HEPACAM2: variants seen among roughly 807,000 people sequenced by gnomAD.
HEPACAM2 encodes the protein mitotic kinetics regulator.
A neutral mutation model predicts 49.6 loss-of-function variants in HEPACAM2; 49 were observed. The observed-to-expected ratio is 0.99, with a 90% CI of 0.78 to 1.25. HEPACAM2 has a LOEUF of 1.25. Among genes scored for constraint, HEPACAM2 ranks in the 50% most tolerant of loss-of-function variants. HEPACAM2 has a pLI of 0.00. For synonymous variants in HEPACAM2, 197 were observed against 202.9 expected (o/e 0.97, Z 0.25); for missense variants, 525 against 557.2 (o/e 0.94, Z 0.58).
intron 1 of HEPACAM2, among the ~76,000 whole-genome samples, chr7:93,222,268 T>G (rs916977340): frequency 6.6e-6 from 1 of 152,140 alleles, no homozygotes; most frequent in Non-Finnish European, 1.5e-5. Context: ...TTCATTGAAG[T>G]TGAAGATAGG....
At chr7:93,229,263 A>G (rs1341933485), upstream of HEPACAM2, among the ~76,000 whole-genome samples, 1 of 152,182 alleles carries the variant, frequency 6.6e-6, no homozygotes, top group Non-Finnish European at 1.5e-5. Flanking sequence ...TCACTTCTGT[A>G]AAGTCTACAA....
intron 3 of HEPACAM2, among the ~76,000 whole-genome samples, chr7:93,210,460 T>C (rs1263739013): frequency 6.6e-6 from 1 of 151,924 alleles, no homozygotes; most frequent in African/African-American, 2.4e-5. Context: ...AAAGTATAAG[T>C]GGTATAACTT....
Position 93,208,826 on chromosome 7 carries a change from C to T in HEPACAM2, c.766G>A (p.Glu256Lys). 1 of 1,612,246 alleles carries T rather than the reference C, an allele frequency of 6.2e-7. No individual in the cohort carries two copies. The highest frequency in any genetic ancestry group is 8.5e-7 in the Non-Finnish European group (1 of 1,178,942). Residue 256 changes from glutamate to lysine, a missense_variant, in exon 4 of 10, where the codon GAA becomes AAA. Physicochemically the swap from Glu to Lys is moderately conservative, Grantham distance 56. Coordinates refer to ENST00000394468, the MANE Select transcript of HEPACAM2 (RefSeq NM_001039372.4). Reference protein sequence around the residue: ...VNSDKGLKVGEVFTVDLGEAI... With the variant: ...VNSDKGLKVGKVFTVDLGEAI... The stretch of plus-strand genomic sequence containing the variant: ...TCTCCAAGGTCAACAGTAAACACTT[C>T]CCCTACTTTTAGCCCTTTATCAGAA...
the HEPACAM2 span, among the ~76,000 whole-genome samples, chr7:93,231,478 T>C: frequency 6.6e-6 from 1 of 152,222 alleles, no homozygotes; most frequent in East Asian, 1.9e-4. Flanking sequence ...CACAGGATTC[T>C]TGTGTGGATA....
chr7:93,198,180 C>CA (rs977381266), intron 4 of HEPACAM2, among the ~76,000 whole-genome samples: 1 of 151,852 alleles, frequency 6.6e-6, no homozygotes, highest in Admixed American at 6.6e-5. Flanking sequence ...TGTGATTTTT[C>CA]AAAAAAATAT....
intron 4 of HEPACAM2, among the ~76,000 whole-genome samples, chr7:93,204,362 CT>C (rs1201390339): frequency 1.3e-5 from 2 of 151,180 alleles, no homozygotes; most frequent in African/African-American, 2.4e-5. Flanking sequence ...ATCTATCTAT[CT>C]ATCTATCTAT....
At chr7:93,223,963 G>T (rs1794496682) in intron 1 of HEPACAM2, among the ~76,000 whole-genome samples, 1 of 152,136 alleles carries the variant, frequency 6.6e-6, no homozygotes, top group Non-Finnish European at 1.5e-5. Flanking sequence ...CTACAGATGT[G>T]ATGAATTCAT....
chr7:93,221,713 C>T (rs866985150), intron 1 of HEPACAM2, among the ~76,000 whole-genome samples: 15 of 152,122 alleles, frequency 9.9e-5, no homozygotes, highest in African/African-American at 3.6e-4. Flanking sequence ...CTGAAACTTA[C>T]CATATGGACT....
At chr7:93,219,721 G>A in intron 1 of HEPACAM2, 5 of 498,740 alleles carry the variant, frequency 1.0e-5, no homozygotes, top group Non-Finnish European at 1.7e-5. Context: ...ACGGAATAAT[G>A]GGAAAAGGAG....
At position 93,215,507 on chromosome 7, in the gene HEPACAM2, G is replaced by T; in HGVS notation, c.609C>A (p.Thr203=). Residue 203 remains threonine, a synonymous_variant, in exon 3 of 10, where the codon ACC becomes ACA. Transcript: ENST00000394468. ...STYSFSPQNN[T]LHIAPVTKED... ...CCTTGGTTACTGGAGCAATATGAAG[G>T]GTATTGTTTTGGGGAGAAAAGGAGT... The T allele has an allele frequency of 6.2e-7, 1 of 1,613,866 alleles. No individual in the cohort carries two copies. The highest frequency in any genetic ancestry group is 8.5e-7 in the Non-Finnish European group (1 of 1,179,864).
intron 4 of HEPACAM2, among the ~76,000 whole-genome samples, chr7:93,201,675 C>A (rs888662471): frequency 6.6e-6 from 1 of 152,064 alleles, no homozygotes; most frequent in Non-Finnish European, 1.5e-5. Context: ...GAAACAAAGT[C>A]CTTCTCCCAA....
chr7:93,195,854 A>T lies in HEPACAM2; in HGVS notation c.1249T>A (p.Phe417Ile). The T allele has an allele frequency of 6.2e-7, 1 of 1,613,162 alleles. No homozygotes were observed. Among genetic ancestry groups the T allele is most frequent in the Non-Finnish European group, 8.5e-7 (1 of 1,179,464 alleles). Residue 417 changes from phenylalanine (F) to isoleucine (I), a missense_variant, in exon 8 of 10, where the codon TTT becomes ATT. Phe to Ile is a conservative substitution (Grantham distance 21). Transcript: ENST00000394468. ...DDFGIYEFVA[F>I]PDVSGVSRIP... ...CTGGAAACACCAGAAACATCTGGAA[A>T]AGCAACAAATTCATATATTCCGAAG...
At chr7:93,218,609 A>G (rs1794369372) in intron 2 of HEPACAM2, among the ~76,000 whole-genome samples, 1 of 152,174 alleles carries the variant, frequency 6.6e-6, no homozygotes, top group Non-Finnish European at 1.5e-5. Context: ...AATAAGGAAA[A>G]TAAGTGTCTG....
chr7:93,206,766 A>T (rs1005020461), intron 4 of HEPACAM2, among the ~76,000 whole-genome samples: 2 of 151,948 alleles, frequency 1.3e-5, no homozygotes, highest in African/African-American at 4.8e-5. Flanking sequence ...CATATGAAAA[A>T]ACCCCCACCA....
At chr7:93,220,642 C>A (rs1335913627) in intron 1 of HEPACAM2, among the ~76,000 whole-genome samples, 1 of 152,142 alleles carries the variant, frequency 6.6e-6, no homozygotes, top group East Asian at 1.9e-4. Context: ...GAATGAGGGG[C>A]CTGAGAGGGC....
At chr7:93,224,886 T>A (rs1379277754) in intron 1 of HEPACAM2, among the ~76,000 whole-genome samples, 4 of 152,282 alleles carry the variant, frequency 2.6e-5, no homozygotes, top group Admixed American at 1.3e-4. Context: ...TTCAAATTTT[T>A]AAAAATTTTT....
chr7:93,193,726 G>A (rs1265698471), intron 8 of HEPACAM2, among the ~76,000 whole-genome samples: 4 of 152,152 alleles, frequency 2.6e-5, no homozygotes, highest in Middle Eastern at 3.4e-3. Context: ...GGTGCACACC[G>A]TGGCACCTAG....
At chr7:93,199,315 A>G (rs1793819400) in intron 4 of HEPACAM2, among the ~76,000 whole-genome samples, 1 of 152,150 alleles carries the variant, frequency 6.6e-6, no homozygotes, top group South Asian at 2.1e-4. Flanking sequence ...TTGATCCTAG[A>G]TATAGACTAG....
chr7:93,209,094 A>G (rs1794111288), intron 3 of HEPACAM2, among the ~76,000 whole-genome samples: 1 of 152,074 alleles, frequency 6.6e-6, no homozygotes, highest in Non-Finnish European at 1.5e-5. Context: ...TTGATTTGAA[A>G]TAGTGATTTG....
Sources: allele counts gnomAD v4.1 joint callset (sites outside exome capture counted in the v4.1 genomes callset), GRCh38; gene constraint gnomAD v4.1.1; transcripts MANE v1.5; gene names NCBI Gene and HGNC (gene_info 2026-07-23, HGNC 2026-07-21).